Variants in TMEM143 observed in about 807,000 individuals in gnomAD.
TMEM143 encodes transmembrane protein 143.
In TMEM143, 45 loss-of-function variants were observed where a neutral mutation model predicts 40.3. That is an observed-to-expected ratio of 1.12 (90% CI 0.88 to 1.43). The LOEUF is 1.43. Among genes scored for constraint, TMEM143 ranks in the 40% most tolerant of loss-of-function variants. The probability of loss-of-function intolerance (pLI) is 0.00; values close to 1 mark genes in which losing one functional copy is unlikely to be tolerated. For synonymous variants in TMEM143, 299 were observed against 282.7 expected (o/e 1.06, Z -0.58); for missense variants, 620 against 613.4 (o/e 1.01, Z -0.11).
chr19:48,349,997 A>ATTTTT (rs71181679), intron 3 of TMEM143, among the ~76,000 whole-genome samples: 5 of 109,008 alleles, frequency 4.6e-5, no homozygotes, highest in African/African-American at 1.1e-4. Flanking sequence ...TCTACATTTA[A>ATTTTT]TTTTTTTTTT....
chr19:48,346,460 A>G (rs765246513), intron 3 of TMEM143, among the ~76,000 whole-genome samples: 14 of 152,040 alleles, frequency 9.2e-5, no homozygotes, highest in Non-Finnish European at 1.6e-4. Flanking sequence ...ATCTTCTTGA[A>G]TCCACCCTCC....
At chr19:48,363,649 C>G in intron 1 of TMEM143, 118 bp from the exon 2 acceptor site, 1 of 1,456,714 alleles carries the variant, frequency 6.9e-7, no homozygotes, top group African/African-American at 1.4e-5. Flanking sequence ...AGAGCCCATC[C>G]GCTCGCCTCA....
intron 6 of TMEM143, among the ~76,000 whole-genome samples, chr19:48,337,569 A>C (rs1252949676): frequency 2.8e-5 from 4 of 144,720 alleles, no homozygotes; most frequent in African/African-American, 1.0e-4. Context: ...AAAAAAAAAA[A>C]CATTGGGACA....
chr19:48,342,614 G>GC lies in TMEM143; in HGVS notation c.890dup (p.Met298HisfsTer112). 6.2e-7 allele frequency: 1 copy of GC among 1,613,826 alleles called. No homozygotes were observed. The highest frequency in any genetic ancestry group is 8.5e-7 in the Non-Finnish European group (1 of 1,180,002). ...CCTTGAGGTCGGTTAGCACCACCAT[G>GC]CCCACGTTGACGAAGATCGCCACGC... On this transcript the variant is annotated frameshift_variant, in exon 6 of 8. Coordinates refer to ENST00000293261, the MANE Select transcript of TMEM143 (RefSeq NM_018273.4). LOFTEE classifies it high-confidence loss of function.
At chr19:48,347,883 C>T (rs1234839582) in intron 3 of TMEM143, among the ~76,000 whole-genome samples, 3 of 148,832 alleles carry the variant, frequency 2.0e-5, no homozygotes, top group East Asian at 2.0e-4. Flanking sequence ...TAGCCAGGCA[C>T]AATAGTGCAT....
intron 4 of TMEM143, 27 bp downstream of exon 4, chr19:48,345,133 G>A (rs558597579): frequency 1.2e-6 from 2 of 1,609,664 alleles, no homozygotes; most frequent in African/African-American, 2.7e-5. Flanking sequence ...CCTCCTGGGA[G>A]TTTTGTTCTC....
rs116778216 is a variant in TMEM143, at chr19:48,353,910, T to C, written c.369+6162A>G. 6.7e-3 allele frequency among the ~76,000 whole-genome samples: 1,023 copies of C among 151,810 alleles called. 17 individuals carry two copies. Among genetic ancestry groups the C allele is most frequent in the African/African-American group, 0.02 (841 of 41,240 alleles). On this transcript the variant is annotated intron_variant, in intron 3 of 7. Coordinates refer to ENST00000293261, the MANE Select transcript of TMEM143 (RefSeq NM_018273.4). The stretch of plus-strand genomic sequence containing the variant: ...CTACAGGAAGCCAGGAGAGACACCA[T>C]AGATGCTTCCCTCTCAGGGCCTCCA...
At chr19:48,348,628 C>T (rs532771667) in intron 3 of TMEM143, among the ~76,000 whole-genome samples, 3 of 152,352 alleles carry the variant, frequency 2.0e-5, no homozygotes, top group South Asian at 2.1e-4. Flanking sequence ...AAGTATGTTA[C>T]ACGCACATTC....
In TMEM143 at chr19:48,342,461, C is replaced by CA. The variant is rs983644811; in HGVS notation, c.975+68dup. ...GCAGGAACAATGCATGAAACAGAGACAACTACAGGGGGCCTGACCTGGTCC... is the reference window on the plus strand; with the variant it reads ...GCAGGAACAATGCATGAAACAGAGACAAACTACAGGGGGCCTGACCTGGTCC... On this transcript the variant is annotated intron_variant, in intron 6 of 7. Coordinates refer to ENST00000293261, the MANE Select transcript of TMEM143 (RefSeq NM_018273.4). 4.0e-6 allele frequency: 6 copies of CA among 1,499,772 alleles called. No individual in the cohort carries two copies. The African/African-American group carries it at 8.3e-5, about 21-fold the overall frequency. The allele number at this position is 1,499,772 out of a possible 1,614,324, so 92.9% of individuals were successfully genotyped here. A position where few individuals can be genotyped will look rare whatever the true frequency, so the allele number is the denominator to read the frequency against.
Position 48,334,210 on chromosome 19 carries a change from C to G in TMEM143, c.976-13G>C, listed in dbSNP as rs745988495. The G allele has an allele frequency of 1.3e-6, 2 of 1,584,800 alleles. No individual in the cohort carries two copies. Among genetic ancestry groups the G allele is most frequent in the South Asian group, 2.3e-5 (2 of 88,356 alleles). On this transcript the variant is annotated splice_polypyrimidine_tract_variant and intron_variant, in intron 6 of 7. Transcript: ENST00000293261. ...GCTGCCCGAACATCTGCAGGCGGGACAGCGCCCCGTGGGCTCAGTTCGGGG... is the reference window on the plus strand; with the variant it reads ...GCTGCCCGAACATCTGCAGGCGGGAGAGCGCCCCGTGGGCTCAGTTCGGGG...
At chr19:48,361,224 T>C (rs2147390349) in intron 2 of TMEM143, among the ~76,000 whole-genome samples, 1 of 143,878 alleles carries the variant, frequency 7.0e-6, no homozygotes, top group East Asian at 2.0e-4. Context: ...ACCATTTCCT[T>C]TTTTTTTTTT....
At chr19:48,362,592 A>G (rs1016741079) in intron 2 of TMEM143, among the ~76,000 whole-genome samples, 1 of 152,228 alleles carries the variant, frequency 6.6e-6, no homozygotes, top group Non-Finnish European at 1.5e-5. Context: ...AATGATGATG[A>G]TGGTGGCAAT....
intron 3 of TMEM143, among the ~76,000 whole-genome samples, chr19:48,358,069 A>T (rs1569037295): frequency 6.6e-6 from 1 of 152,082 alleles, no homozygotes; most frequent in Non-Finnish European, 1.5e-5. Flanking sequence ...CCCAAAAACT[A>T]CTGAAATAAA....
intron 3 of TMEM143, among the ~76,000 whole-genome samples, chr19:48,354,802 T>G (rs1351019668): frequency 1.3e-5 from 2 of 152,114 alleles, no homozygotes; most frequent in African/African-American, 2.4e-5. Context: ...AGCTATTGTT[T>G]GAACCGAGGC....
intron 6 of TMEM143, among the ~76,000 whole-genome samples, chr19:48,338,370 C>T (rs1969418248): frequency 6.6e-6 from 1 of 152,176 alleles, no homozygotes; most frequent in African/African-American, 2.4e-5. Flanking sequence ...TCCCATGGCT[C>T]CCCAGTGCTC....
In TMEM143 at chr19:48,333,747, G is replaced by C. The variant is rs1165252472; in HGVS notation, c.1165+261C>G. On this transcript the variant is annotated intron_variant, in intron 7 of 7. Coordinates refer to ENST00000293261, the MANE Select transcript of TMEM143 (RefSeq NM_018273.4). This position sits in a 1 kb window ranked among gnomAD's most constrained non-coding sequence, Gnocchi z 4.1. The stretch of plus-strand genomic sequence containing the variant: ...AGGATCTCTTGTAGGGAGAGTGTCA[G>C]CTCAGGTAGAGGAAAGAATGACAGG... 6.6e-6 allele frequency among the ~76,000 whole-genome samples: 1 copy of C among 152,120 alleles called. No homozygotes were observed. The highest frequency in any genetic ancestry group is 2.4e-5 in the African/African-American group (1 of 41,432).
At chr19:48,357,249 G>A (rs940846669) in intron 3 of TMEM143, among the ~76,000 whole-genome samples, 15 of 151,450 alleles carry the variant, frequency 9.9e-5, no homozygotes, top group Non-Finnish European at 1.6e-4. Context: ...GAGTCACCGC[G>A]CCCGGCAGTA....
chr19:48,354,830 T>C (rs1490690510), intron 3 of TMEM143, among the ~76,000 whole-genome samples: 5 of 152,156 alleles, frequency 3.3e-5, no homozygotes, highest in African/African-American at 1.2e-4. Flanking sequence ...CTTCTTTCCC[T>C]GCCCAGGCCA....
At chr19:48,353,394 G>A (rs1969818539) in intron 3 of TMEM143, among the ~76,000 whole-genome samples, 1 of 151,428 alleles carries the variant, frequency 6.6e-6, no homozygotes, top group African/African-American at 2.4e-5. Context: ...AGGTTGGCCA[G>A]GCTGGTCTCG....
Sources: allele counts gnomAD v4.1 joint callset (sites outside exome capture counted in the v4.1 genomes callset), GRCh38; gene constraint gnomAD v4.1.1; non-coding constraint Gnocchi (gnomAD v3.1); transcripts MANE v1.5; gene names NCBI Gene and HGNC (gene_info 2026-07-23, HGNC 2026-07-21).